Variants in TSHZ2 observed in about 807,000 individuals in gnomAD.
TSHZ2 encodes the protein teashirt zinc finger homeobox 2, also known as teashirt homolog 2.
Under a neutral mutation model 74.4 loss-of-function variants are expected in TSHZ2, and 21 were observed. The ratio of observed to expected loss-of-function variants is 0.28; its 90% CI spans 0.20 to 0.41. The LOEUF (loss-of-function observed/expected upper bound fraction) is 0.41, where lower values mean the gene tolerates loss of function less well. Ranked by LOEUF, TSHZ2 falls within the 10% of genes least tolerant of loss-of-function variation. The pLI is 1.00. For missense variants in TSHZ2, 1,244 were observed against 1,293.5 expected (o/e 0.96, Z 0.59); for synonymous variants, 540 against 515.3 (o/e 1.05, Z -0.65).
intron 1 of TSHZ2, among the ~76,000 whole-genome samples, chr20:53,051,825 G>T (rs1432588004): frequency 1.3e-5 from 2 of 152,158 alleles, no homozygotes; most frequent in African/African-American, 4.8e-5. Flanking sequence ...ACAAATTTTT[G>T]ATTTTAATCA....
intron 1 of TSHZ2, among the ~76,000 whole-genome samples, chr20:53,209,867 C>T (rs1395782530): frequency 6.6e-6 from 1 of 151,946 alleles, no homozygotes; most frequent in African/African-American, 2.4e-5. Flanking sequence ...CAGGCTCTCA[C>T]CGGGATGGCA....
At chr20:53,348,930 C>T (rs2904358) in intron 2 of TSHZ2, among the ~76,000 whole-genome samples, 24,863 of 152,208 alleles carry the variant, frequency 0.16, 2,602 homozygotes, top group South Asian at 0.27. Flanking sequence ...ACCAAGCTAA[C>T]GAGATTATCA....
intron 1 of TSHZ2, among the ~76,000 whole-genome samples, chr20:53,186,901 A>AATATAT (rs540729094): frequency 6.7e-6 from 1 of 149,112 alleles, no homozygotes; most frequent in African/African-American, 2.5e-5. Context: ...ACTAGGGTTT[A>AATATAT]ATATATATAT....
At chr20:53,183,843 A>G (rs1988537714) in intron 1 of TSHZ2, among the ~76,000 whole-genome samples, 1 of 152,218 alleles carries the variant, frequency 6.6e-6, no homozygotes, top group African/African-American at 2.4e-5. Flanking sequence ...AACCATTCGA[A>G]GGAAACAAAG....
intron 2 of TSHZ2, among the ~76,000 whole-genome samples, chr20:53,396,784 G>C (rs2145670403): frequency 6.7e-6 from 1 of 150,170 alleles, no homozygotes; most frequent in East Asian, 2.0e-4. Flanking sequence ...GAAGTTGAAG[G>C]CTACAGTGAG....
chr20:53,255,118 A>C lies in TSHZ2; in HGVS notation c.1660A>C (p.Thr554Pro). 6.2e-7 allele frequency: 1 copy of C among 1,614,186 alleles called. No homozygotes were observed. The highest frequency in any genetic ancestry group is 8.5e-7 in the Non-Finnish European group (1 of 1,180,034). ...IHAAYQLSEG[T>P]KPPLPMGSQV... ...CGCAGCCTACCAGCTGTCTGAGGGC[A>C]CCAAGCCGCCTTTGCCTATGGGATC... The change falls in exon 2 of 3, where the codon ACC becomes CCC. Residue 554 changes from threonine to proline, a missense_variant. By Grantham distance (38) the Thr-to-Pro change is conservative. This residue lies in a region of TSHZ2 where 562 missense variants were observed against 544.0 expected (regional missense o/e 1.03). Transcript: ENST00000371497. The surrounding 1 kb of genome is among the most constrained non-coding windows in gnomAD (Gnocchi z 4.1).
At position 52,973,013 on chromosome 20, in the gene TSHZ2, G is replaced by GAA; in HGVS notation, c.-274_-273dup. ...AAAAGCAAAAACAAAAAAGAGAGAG[G>GAA]AAAAAAAATTCAAAATAAACAAACA... On this transcript the variant is annotated 5_prime_UTR_variant, in exon 1 of 3. An upstream open reading frame in the 5' UTR gains an earlier in-frame stop. Transcript: ENST00000371497. The GAA allele has an allele frequency of 2.5e-6, 1 of 393,458 alleles. No individual in the cohort carries two copies. The highest frequency in any genetic ancestry group is 2.1e-5 in the African/African-American group (1 of 47,740). 24.4% of individuals were successfully genotyped at this position (393,458 alleles called of 1,614,324 possible). A position where few individuals can be genotyped will look rare whatever the true frequency, so the allele number is the denominator to read the frequency against.
intron 2 of TSHZ2, among the ~76,000 whole-genome samples, chr20:53,329,835 A>C (rs746229495): frequency 6.6e-6 from 1 of 152,278 alleles, no homozygotes; most frequent in South Asian, 2.1e-4. Flanking sequence ...AGAGAGAGAG[A>C]GACAGGGAGG....
At chr20:53,434,231 A>G (rs1983956801) in intron 2 of TSHZ2, among the ~76,000 whole-genome samples, 1 of 152,114 alleles carries the variant, frequency 6.6e-6, no homozygotes, top group Admixed American at 6.6e-5. Flanking sequence ...CACAAGAATA[A>G]CCTGTTGAGT....
At chr20:53,349,880 A>G (rs76489791) in intron 2 of TSHZ2, among the ~76,000 whole-genome samples, 5,235 of 152,302 alleles carry the variant, frequency 0.034, 322 homozygotes, top group African/African-American at 0.12. Flanking sequence ...AGTCTATGTC[A>G]GCTTCGTAGA....
chr20:53,235,775 A>C (rs1043106510), intron 1 of TSHZ2, among the ~76,000 whole-genome samples: 1 of 152,270 alleles, frequency 6.6e-6, no homozygotes. Context: ...AATTAATTCA[A>C]AGTTAAGATT....
At chr20:53,163,398 G>T (rs1987990943) in intron 1 of TSHZ2, among the ~76,000 whole-genome samples, 2 of 116,188 alleles carry the variant, frequency 1.7e-5, no homozygotes, top group Admixed American at 2.0e-4. Context: ...AGGTTTCAGG[G>T]CATCTTTGGT....
chr20:53,120,454 A>T (rs1220487120), intron 1 of TSHZ2, among the ~76,000 whole-genome samples: 1 of 152,188 alleles, frequency 6.6e-6, no homozygotes, highest in African/African-American at 2.4e-5. Context: ...AAGATAAATT[A>T]TGGAACCGTA....
At chr20:53,430,285 A>G (rs2145730872) in intron 2 of TSHZ2, among the ~76,000 whole-genome samples, 1 of 151,952 alleles carries the variant, frequency 6.6e-6, no homozygotes, top group East Asian at 1.9e-4. Flanking sequence ...TTGTATTTTT[A>G]GTAGAGACAG....
intron 1 of TSHZ2, among the ~76,000 whole-genome samples, chr20:53,036,748 TTA>T (rs904529145): frequency 3.6e-4 from 54 of 147,954 alleles, no homozygotes; most frequent in Non-Finnish European, 4.5e-5. Flanking sequence ...TATTATATAA[TTA>T]TATATATTAC....
intron 2 of TSHZ2, among the ~76,000 whole-genome samples, chr20:53,424,537 A>G (rs1421105116): frequency 6.6e-6 from 1 of 152,152 alleles, no homozygotes; most frequent in Admixed American, 6.5e-5. Context: ...CACATATGGC[A>G]GGAAGAAATA....
chr20:53,065,306 G>T (rs1341223262), intron 1 of TSHZ2, among the ~76,000 whole-genome samples: 1 of 152,144 alleles, frequency 6.6e-6, no homozygotes, highest in African/African-American at 2.4e-5. Flanking sequence ...TATGCTCTGA[G>T]ACTTTGGACA....
At chr20:53,110,015 T>C (rs1055330488) in intron 1 of TSHZ2, among the ~76,000 whole-genome samples, 1 of 152,226 alleles carries the variant, frequency 6.6e-6, no homozygotes, top group Non-Finnish European at 1.5e-5. Context: ...AATTAGTTTC[T>C]ACATTTCCAT....
intron 1 of TSHZ2, among the ~76,000 whole-genome samples, chr20:52,990,802 G>C (rs1281882066): frequency 6.6e-6 from 1 of 152,226 alleles, no homozygotes; most frequent in Non-Finnish European, 1.5e-5. Flanking sequence ...CCAATGTTTA[G>C]AAGGTCCATG....
Sources: allele counts gnomAD v4.1 joint callset (sites outside exome capture counted in the v4.1 genomes callset), GRCh38; gene constraint gnomAD v4.1.1; regional missense constraint gnomAD v4.1.1; non-coding constraint Gnocchi (gnomAD v3.1); transcripts MANE v1.5; gene names NCBI Gene and HGNC (gene_info 2026-07-23, HGNC 2026-07-21).